The following RWDD1 variants were observed in gnomAD, a reference collection of about 807,000 sequenced individuals.
The protein encoded by RWDD1 is RWD domain-containing protein 1.
A neutral mutation model predicts 31.6 loss-of-function variants in RWDD1; 17 were observed. That is an observed-to-expected ratio of 0.54 (90% CI 0.37 to 0.81). The LOEUF (loss-of-function observed/expected upper bound fraction) is 0.81, where lower values mean the gene tolerates loss of function less well. Among genes scored for constraint, RWDD1 ranks in the 30% least tolerant of loss-of-function variants. The pLI is 0.00. For missense variants in RWDD1, 204 were observed against 274.5 expected (o/e 0.74, Z 1.82); for synonymous variants, 78 against 94.2 (o/e 0.83, Z 0.99).
intron 3 of RWDD1, among the ~76,000 whole-genome samples, chr6:116,587,672 A>ATGTGTGTGTG (rs149843338): frequency 3.3e-5 from 5 of 149,770 alleles, no homozygotes; most frequent in African/African-American, 7.4e-5. Flanking sequence ...CTCTGTGTGT[A>ATGTGTGTGTG]TGTGTGTGTG....
intron 1 of RWDD1, chr6:116,574,140 A>G (rs1774793955): frequency 4.9e-6 from 1 of 203,458 alleles, no homozygotes. Context: ...ATTCTCCTTC[A>G]GTAGTGCTTC....
rs1775180805 is a variant in RWDD1, at chr6:116,593,182, T to C, written c.*81T>C. 1 of 1,348,490 alleles carries C rather than the reference T, an allele frequency of 7.4e-7. No homozygotes were observed. The highest frequency in any genetic ancestry group is 1.8e-5 in the South Asian group (1 of 56,860). 83.5% of individuals were successfully genotyped at this position (1,348,490 alleles called of 1,614,324 possible). ...CAGAGGGTTATGATTTTCCTTTCTT[T>C]TTTTCTAAGAAAAAATTATTTTCAG... On this transcript the variant is annotated 3_prime_UTR_variant, in exon 7 of 7. Transcript: ENST00000466444.
At position 116,572,050 on chromosome 6, in the gene RWDD1, G is replaced by T. The variant is rs546139067; in HGVS notation, c.73+395G>T. 2.0e-5 allele frequency among the ~76,000 whole-genome samples: 3 copies of T among 151,974 alleles called. No homozygotes were observed. The South Asian group carries it at 6.2e-4, about 32-fold the overall frequency. On this transcript the variant is annotated intron_variant, in intron 1 of 6. Transcript: ENST00000466444. ...TTTTAGCTTTATTAAGGTAGAAACT[G>T]TTTTTCATACGATGCTGTTTTAGTT...
At chr6:116,581,604 G>T (rs1247948830) in intron 2 of RWDD1, among the ~76,000 whole-genome samples, 1 of 151,894 alleles carries the variant, frequency 6.6e-6, no homozygotes, top group Non-Finnish European at 1.5e-5. Context: ...TAGTAGAAAA[G>T]TGGGCAAAGG....
At chr6:116,575,843 A>G (rs1405330183) in intron 1 of RWDD1, among the ~76,000 whole-genome samples, 1 of 152,236 alleles carries the variant, frequency 6.6e-6, no homozygotes, top group Non-Finnish European at 1.5e-5. Context: ...CAGGATGAAT[A>G]AAGGAAGGAA....
intron 1 of RWDD1, among the ~76,000 whole-genome samples, chr6:116,577,169 G>T (rs994778362): frequency 6.6e-6 from 1 of 152,226 alleles, no homozygotes; most frequent in Non-Finnish European, 1.5e-5. Flanking sequence ...AACTGCTGCT[G>T]TAAGCAGGTA....
chr6:116,592,064 A>G lies in RWDD1; in HGVS notation c.611-916A>G, dbSNP rs972756167. Among the ~76,000 whole-genome samples the G allele has an allele frequency of 2.6e-5, 4 of 152,158 alleles. No individual in the cohort carries two copies. In the East Asian group the frequency reaches 7.7e-4, roughly 29 times the overall value. Reference sequence around the variant, plus strand: ...ATTACCTATTCTATAGTCACTCCCTATGAGATGGTATTCCTAAAACCCATA... The same window carrying G: ...ATTACCTATTCTATAGTCACTCCCTGTGAGATGGTATTCCTAAAACCCATA... On this transcript the variant is annotated intron_variant, in intron 6 of 6. Transcript: ENST00000466444.
chr6:116,577,750 CTCCT>C (rs1274222324), intron 1 of RWDD1, among the ~76,000 whole-genome samples: 16 of 152,104 alleles, frequency 1.1e-4, no homozygotes, highest in Non-Finnish European at 2.1e-4. Flanking sequence ...AGTCGTCTCC[CTCCT>C]TTCATTTTAT....
chr6:116,580,889 G>A (rs1774936660), intron 2 of RWDD1, among the ~76,000 whole-genome samples: 1 of 152,062 alleles, frequency 6.6e-6, no homozygotes, highest in African/African-American at 2.4e-5. Flanking sequence ...ATGTTTGGGG[G>A]AATGGTATCT....
chr6:116,590,932 A>G lies in RWDD1; in HGVS notation c.592A>G (p.Ile198Val). 1 of 1,575,920 alleles carries G rather than the reference A, an allele frequency of 6.3e-7. No individual in the cohort carries two copies. Among genetic ancestry groups the G allele is most frequent in the Non-Finnish European group, 8.6e-7 (1 of 1,168,542 alleles). The change falls in exon 6 of 7, where the codon ATC becomes GTC. Residue 198 changes from isoleucine to valine, a missense_variant. By Grantham distance (29) the Ile-to-Val change is conservative (BLOSUM62 3). Transcript: ENST00000466444. Reference sequence around the variant, plus strand: ...AGATCATAATCTTGACACATCTGATATCCAGTTCTTGGAGGATGGTAAGAT... The same window carrying G: ...AGATCATAATCTTGACACATCTGATGTCCAGTTCTTGGAGGATGGTAAGAT... The part of the protein sequence containing the change: ...ETDHNLDTSD[I>V]QFLEDAGNNV...
chr6:116,571,947 A>T (rs1424326937), intron 1 of RWDD1, among the ~76,000 whole-genome samples: 1 of 152,048 alleles, frequency 6.6e-6, no homozygotes, highest in African/African-American at 2.4e-5. Flanking sequence ...GCAACCTGAG[A>T]TTTATAATAC....
chr6:116,581,897 A>G (rs796812454), intron 2 of RWDD1, among the ~76,000 whole-genome samples: 28 of 152,174 alleles, frequency 1.8e-4, no homozygotes, highest in African/African-American at 6.5e-4. Context: ...GATGTTTATA[A>G]TGTCATTGTT....
intron 2 of RWDD1, 109 bp from the exon 3 acceptor site, chr6:116,584,618 C>A: frequency 3.2e-6 from 3 of 934,190 alleles, no homozygotes; most frequent in Admixed American, 2.3e-5. Context: ...CTCTTAATAA[C>A]CTTTTTCTTT....
In RWDD1 at chr6:116,597,446, G is replaced by T. The variant is rs1004788604; in HGVS notation, c.*4345G>T. 3 of 152,038 alleles carry T rather than the reference G, an allele frequency of 2.0e-5. No homozygotes were observed. Among genetic ancestry groups the T allele is most frequent in the Non-Finnish European group, 4.4e-5 (3 of 68,002 alleles). The allele number at this position is 152,038 out of a possible 1,614,324, so 9.4% of individuals were successfully genotyped here. On this transcript the variant is annotated 3_prime_UTR_variant, in exon 7 of 7. Transcript: ENST00000466444. ...GCCTTTGCAGCTGTTCTCCTTTAAAGAGTAGTCTCCATTAGTTTTCTTGAC... is the reference window on the plus strand; with the variant it reads ...GCCTTTGCAGCTGTTCTCCTTTAAATAGTAGTCTCCATTAGTTTTCTTGAC...
intron 1 of RWDD1, among the ~76,000 whole-genome samples, chr6:116,579,465 C>T (rs535183258): frequency 4.6e-5 from 7 of 152,230 alleles, no homozygotes; most frequent in Admixed American, 2.0e-4. Flanking sequence ...TTCCTCCTTT[C>T]ATTCTATTCA....
intron 3 of RWDD1, among the ~76,000 whole-genome samples, chr6:116,586,801 A>T (rs1479765188): frequency 6.6e-6 from 1 of 152,200 alleles, no homozygotes; most frequent in African/African-American, 2.4e-5. Flanking sequence ...GGGAATGCAT[A>T]CTTAATAATT....
chr6:116,576,410 CCTCTGAAAATTACTCCTTCCCATA>C (rs968845096), intron 1 of RWDD1, among the ~76,000 whole-genome samples: 1 of 152,116 alleles, frequency 6.6e-6, no homozygotes, highest in Non-Finnish European at 1.5e-5. Context: ...AACATTTTGG[CCTCTGAAAATTACTCCTTCCCATA>C]ACCTTTGTAC....
At chr6:116,587,880 TG>T (rs1775072360) in intron 3 of RWDD1, among the ~76,000 whole-genome samples, 1 of 152,080 alleles carries the variant, frequency 6.6e-6, no homozygotes, top group Non-Finnish European at 1.5e-5. Flanking sequence ...GTAGCAGTGA[TG>T]GAGCTTATGA....
At chr6:116,584,622 T>G in intron 2 of RWDD1, 105 bp from the exon 3 acceptor site, 2 of 1,003,060 alleles carry the variant, frequency 2.0e-6, no homozygotes, top group Non-Finnish European at 3.0e-6. Flanking sequence ...TAATAACCTT[T>G]TTCTTTGTAG....
Sources: gnomAD v4.1 joint callset for allele counts (sites outside exome capture counted in the v4.1 genomes callset) on GRCh38, gnomAD v4.1.1 for gene constraint, MANE v1.5 for transcripts, NCBI Gene and HGNC (gene_info 2026-07-23, HGNC 2026-07-21) for gene names.